Variants in TNPO2 observed in about 807,000 individuals in gnomAD.
The protein encoded by TNPO2 is transportin 2.
TNPO2 carries 16 observed loss-of-function variants against 111.1 expected under a neutral mutation model. That is an observed-to-expected ratio of 0.14 (90% confidence interval 0.10 to 0.22). The LOEUF (loss-of-function observed/expected upper bound fraction) is 0.22. TNPO2 is among the 10% of genes least tolerant of loss of function. The pLI, the probability that TNPO2 is intolerant of heterozygous loss-of-function variation, is 1.00. For missense variants in TNPO2, 530 were observed against 1,173.7 expected (o/e 0.45, Z 8.01); for synonymous variants, 481 against 475.8 (o/e 1.01, Z -0.14).
chr19:12,709,039 CA>C (rs545741335), intron 13 of TNPO2, among the ~76,000 whole-genome samples: 10 of 126,160 alleles, frequency 7.9e-5, no homozygotes, highest in Non-Finnish European at 3.4e-5. Flanking sequence ...GACTCCATCT[CA>C]AAAAAAAAAG....
Position 12,702,353 on chromosome 19 carries a change from C to T in TNPO2, c.2306-176G>A. 1.4e-6 allele frequency: 1 copy of T among 693,732 alleles called. No homozygotes were observed. Among genetic ancestry groups the T allele is most frequent in the Non-Finnish European group, 2.6e-6 (1 of 381,608 alleles). 43.0% of individuals were successfully genotyped at this position (693,732 alleles called of 1,614,324 possible). A position where few individuals can be genotyped will look rare whatever the true frequency, so the allele number is the denominator to read the frequency against. On this transcript the variant is annotated intron_variant, in intron 21 of 25. Coordinates refer to ENST00000425528, the MANE Select transcript of TNPO2 (RefSeq NM_001382241.1). This position sits in a 1 kb window ranked among gnomAD's most constrained non-coding sequence, Gnocchi z 5.5. Reference sequence around the variant, plus strand: ...AGTCACTTCCCAGGTCTCTCTGCATCTATCTTTCTTTCTTTCCTTTCCCTT... The same window carrying T: ...AGTCACTTCCCAGGTCTCTCTGCATTTATCTTTCTTTCTTTCCTTTCCCTT...
intron 5 of TNPO2, among the ~76,000 whole-genome samples, chr19:12,717,183 T>C (rs1045350722): frequency 2.0e-5 from 3 of 151,250 alleles, no homozygotes; most frequent in African/African-American, 7.4e-5. Flanking sequence ...CCCCTCATTC[T>C]GTGTGCCTCA....
Position 12,702,987 on chromosome 19 carries a change from CTCACTCACTACTCGCCCCAGT to C in TNPO2, c.2210-90_2210-70del, listed in dbSNP as rs1461630148. 1.4e-6 allele frequency: 2 copies of C among 1,397,768 alleles called. No individual in the cohort carries two copies. The highest frequency in any genetic ancestry group is 2.0e-6 in the Non-Finnish European group (2 of 992,914). The allele number at this position is 1,397,768 out of a possible 1,614,324, so 86.6% of individuals were successfully genotyped here. ...CACAGGGGCCAGGGGGCCGCCCCACCTCACTCACTACTCGCCCCAGTTCCAACTAGAGACTGGCCAACCACT... is the reference window on the plus strand; with the variant it reads ...CACAGGGGCCAGGGGGCCGCCCCACCTCCAACTAGAGACTGGCCAACCACT... On this transcript the variant is annotated intron_variant, in intron 20 of 25. Transcript: ENST00000425528. This position sits in a 1 kb window ranked among gnomAD's most constrained non-coding sequence, Gnocchi z 5.5.
In TNPO2 at chr19:12,723,749, G is replaced by C. The variant is rs963797114; in HGVS notation, c.-131+20C>G. On this transcript the variant is annotated intron_variant, in intron 1 of 25. Transcript: ENST00000425528. ...ATTTTTGCCCCTGCCTGAAGGAGGG[G>C]AACAGCTATCTCAACCCACTTGCCG... 3 of 152,186 alleles carry C rather than the reference G, an allele frequency of 2.0e-5. No individual in the cohort carries two copies. The highest frequency in any genetic ancestry group is 7.2e-5 in the African/African-American group (3 of 41,442). The allele number at this position is 152,186 out of a possible 1,614,324, so 9.4% of individuals were successfully genotyped here. A position where few individuals can be genotyped will look rare whatever the true frequency, so the allele number is the denominator to read the frequency against.
chr19:12,703,933 C>A (rs1348690069), intron 18 of TNPO2, 132 bp from the exon 19 acceptor site: 1 of 736,276 alleles, frequency 1.4e-6, no homozygotes, highest in Non-Finnish European at 2.2e-6. Context: ...TGTTCCTTAA[C>A]CTCCCTAGCC....
Position 12,721,429 on chromosome 19 carries a change from G to T in TNPO2, c.-13-439C>A. The T allele has an allele frequency of 3.3e-6, 2 of 602,096 alleles. No homozygotes were observed. Among genetic ancestry groups the T allele is most frequent in the Non-Finnish European group, 5.5e-6 (2 of 365,822 alleles). The allele number at this position is 602,096 out of a possible 1,614,324, so 37.3% of individuals were successfully genotyped here. On this transcript the variant is annotated intron_variant, in intron 2 of 25. Transcript: ENST00000425528. This position sits in a 1 kb window ranked among gnomAD's most constrained non-coding sequence, Gnocchi z 4.9. Reference sequence around the variant, plus strand: ...GGCCCCCGTGGTCTCTTCTATGCAGGCACAGTCCCTGAAGAGTCCCCTTCC... The same window carrying T: ...GGCCCCCGTGGTCTCTTCTATGCAGTCACAGTCCCTGAAGAGTCCCCTTCC...
rs1300901781 is a variant in TNPO2, at chr19:12,699,285, A to G, written c.*1979T>C. 8 of 444,666 alleles carry G rather than the reference A, an allele frequency of 1.8e-5. No individual in the cohort carries two copies. The highest frequency in any genetic ancestry group is 9.8e-5 in the Admixed American group (4 of 40,984). 27.5% of individuals were successfully genotyped at this position (444,666 alleles called of 1,614,324 possible). A position where few individuals can be genotyped will look rare whatever the true frequency, so the allele number is the denominator to read the frequency against. On this transcript the variant is annotated 3_prime_UTR_variant, in exon 26 of 26. Coordinates refer to ENST00000425528, the MANE Select transcript of TNPO2 (RefSeq NM_001382241.1). ...TCGGCGCCAATCCCCAGCACAGCAC[A>G]GTAACAAATGGACAGACCCGGGAGC...
intron 10 of TNPO2, among the ~76,000 whole-genome samples, chr19:12,712,914 G>A (rs1226556524): frequency 4.6e-5 from 7 of 152,120 alleles, no homozygotes; most frequent in Admixed American, 1.3e-4. Context: ...TGGTCCCTAC[G>A]TAACCCTATC....
chr19:12,711,752 A>C, intron 10 of TNPO2, 139 bp from the exon 11 acceptor site: 1 of 678,824 alleles, frequency 1.5e-6, no homozygotes, highest in Non-Finnish European at 2.6e-6. Context: ...CCTGCAGAGC[A>C]TGATGGTACT....
Position 12,719,633 on chromosome 19 carries a change from T to TA in TNPO2, c.100-298dup, listed in dbSNP as rs1388306660. 2.6e-5 allele frequency among the ~76,000 whole-genome samples: 4 copies of TA among 152,182 alleles called. No individual in the cohort carries two copies. In the East Asian group the frequency reaches 7.7e-4, roughly 29 times the overall value. ...CAGCGTGGTGAAACCCCATCTCTACTAAACATACAAAAAAATTATCCGGGC... is the reference window on the plus strand; with the variant it reads ...CAGCGTGGTGAAACCCCATCTCTACTAAAACATACAAAAAAATTATCCGGGC... On this transcript the variant is annotated intron_variant, in intron 3 of 25. Coordinates refer to ENST00000425528, the MANE Select transcript of TNPO2 (RefSeq NM_001382241.1). The surrounding 1 kb of genome is among the most constrained non-coding windows in gnomAD (Gnocchi z 5.0).
Position 12,714,680 on chromosome 19 carries a change from C to A in TNPO2, c.890+141G>T, listed in dbSNP as rs2026265813. On this transcript the variant is annotated intron_variant, in intron 10 of 25. Coordinates refer to ENST00000425528, the MANE Select transcript of TNPO2 (RefSeq NM_001382241.1). ...AAGTCTTCAAAAAGTGGCATTCTTA[C>A]CACTTACACATAAATATATACTGAA... 38 of 678,332 alleles carry A rather than the reference C, an allele frequency of 5.6e-5. 1 individual carries two copies. The South Asian group carries it at 6.8e-4, about 12-fold the overall frequency. The allele number at this position is 678,332 out of a possible 1,614,324, so 42.0% of individuals were successfully genotyped here. A position where few individuals can be genotyped will look rare whatever the true frequency, so the allele number is the denominator to read the frequency against.
Position 12,701,373 on chromosome 19 carries a change from CT to C in TNPO2, c.2666del (p.Glu889GlyfsTer11). ...AGACCCCATAGAAAGCCGCCAGCCT[CT>C]CCTTGAGCAGCGGCGGGAATTGCTC... ...FSEQFPPLLK[E>X]RLAAFYGV On this transcript the variant is annotated frameshift_variant, in exon 25 of 26. Transcript: ENST00000425528. LOFTEE classifies it high-confidence loss of function. The surrounding 1 kb of genome is among the most constrained non-coding windows in gnomAD (Gnocchi z 5.0). The C allele has an allele frequency of 6.2e-7, 1 of 1,614,024 alleles. No homozygotes were observed. Among genetic ancestry groups the C allele is most frequent in the Non-Finnish European group, 8.5e-7 (1 of 1,179,886 alleles).
rs1407588706 is a variant in TNPO2, at chr19:12,702,462, T to C, written c.2306-285A>G. On this transcript the variant is annotated intron_variant, in intron 21 of 25. Coordinates refer to ENST00000425528, the MANE Select transcript of TNPO2 (RefSeq NM_001382241.1). The surrounding 1 kb of genome is among the most constrained non-coding windows in gnomAD (Gnocchi z 5.5). Reference sequence around the variant, plus strand: ...CAGGCTGGAGTGCAGTGGCATGATCTTGGCTCATTGCAACCTGCCTCAGCC... The same window carrying C: ...CAGGCTGGAGTGCAGTGGCATGATCCTGGCTCATTGCAACCTGCCTCAGCC... 1.7e-6 allele frequency: 1 copy of C among 595,014 alleles called. No homozygotes were observed. Among genetic ancestry groups the C allele is most frequent in the Admixed American group, 2.5e-5 (1 of 40,326 alleles). The allele number at this position is 595,014 out of a possible 1,614,324, so 36.9% of individuals were successfully genotyped here.
chr19:12,710,768 ACTTCC>A lies in TNPO2; in HGVS notation c.1118_1122del (p.Arg373MetfsTer49). On this transcript the variant is annotated frameshift_variant and splice_region_variant, in exon 13 of 26. Transcript: ENST00000425528. LOFTEE classifies it high-confidence loss of function. ...AGGACGTCCAGTGCAGCCGCTGAGCACTTCCCTGGGGAAGGGGGAACAATGGGGAG... is the reference window on the plus strand; with the variant it reads ...AGGACGTCCAGTGCAGCCGCTGAGCACTGGGGAAGGGGGAACAATGGGGAG... The A allele has an allele frequency of 6.2e-7, 1 of 1,608,382 alleles. No homozygotes were observed. The highest frequency in any genetic ancestry group is 8.5e-7 in the Non-Finnish European group (1 of 1,177,282).
rs1463418349 is a variant in TNPO2, at chr19:12,706,984, T to G, written c.1271-189A>C. Among the ~76,000 whole-genome samples, 1 of 152,000 alleles carries G rather than the reference T, an allele frequency of 6.6e-6. No homozygotes were observed. Among genetic ancestry groups the G allele is most frequent in the Non-Finnish European group, 1.5e-5 (1 of 67,986 alleles). On this transcript the variant is annotated intron_variant, in intron 13 of 25. Coordinates refer to ENST00000425528, the MANE Select transcript of TNPO2 (RefSeq NM_001382241.1). The surrounding 1 kb of genome is among the most constrained non-coding windows in gnomAD (Gnocchi z 7.0). ...GAGGGGAAACAACAGAAGCCTCTCATCCCAAAGCCCCGGGTTATCTTTATT... is the reference window on the plus strand; with the variant it reads ...GAGGGGAAACAACAGAAGCCTCTCAGCCCAAAGCCCCGGGTTATCTTTATT...
chr19:12,699,314 CA>C lies in TNPO2; in HGVS notation c.*1949del, dbSNP rs1435972337. ...ACAAATGGACAGACCCGGGAGCCCG[CA>C]GGGGGAAGAGGGTGAGGAGGGAAAG... On this transcript the variant is annotated 3_prime_UTR_variant, in exon 26 of 26. Transcript: ENST00000425528. 4.6e-6 allele frequency: 2 copies of C among 431,110 alleles called. No homozygotes were observed. Among genetic ancestry groups the C allele is most frequent in the Non-Finnish European group, 9.3e-6 (2 of 214,536 alleles). 26.7% of individuals were successfully genotyped at this position (431,110 alleles called of 1,614,324 possible). A position where few individuals can be genotyped will look rare whatever the true frequency, so the allele number is the denominator to read the frequency against.
In TNPO2 at chr19:12,721,368, A is replaced by C; in HGVS notation, c.-13-378T>G. ...TGGGCGAGGGCCCAGCCGCCTCCAC[A>C]TCCAGGGGCCCCGCCCCAGACCGTG... On this transcript the variant is annotated intron_variant, in intron 2 of 25. Transcript: ENST00000425528. The surrounding 1 kb of genome is among the most constrained non-coding windows in gnomAD (Gnocchi z 4.9). 8 of 1,170,422 alleles carry C rather than the reference A, an allele frequency of 6.8e-6. No individual in the cohort carries two copies. Among genetic ancestry groups the C allele is most frequent in the East Asian group, 6.0e-5 (1 of 16,676 alleles). The allele number at this position is 1,170,422 out of a possible 1,614,324, so 72.5% of individuals were successfully genotyped here.
At chr19:12,709,667 G>C (rs2025925333) in intron 13 of TNPO2, among the ~76,000 whole-genome samples, 1 of 136,948 alleles carries the variant, frequency 7.3e-6, no homozygotes, top group South Asian at 2.3e-4. Context: ...TTTTTTGGTA[G>C]ATATGAGGTC....
chr19:12,711,437 C>G lies in TNPO2; in HGVS notation c.976G>C (p.Val326Leu). 6.2e-7 allele frequency: 1 copy of G among 1,614,002 alleles called. No homozygotes were observed. The highest frequency in any genetic ancestry group is 8.5e-7 in the Non-Finnish European group (1 of 1,179,888). Residue 326 changes from valine (V) to leucine (L), a missense_variant, in exon 12 of 26, where the codon GTC (valine) becomes CTC (leucine). Physicochemically the swap from Val to Leu is conservative, Grantham distance 32 (BLOSUM62 1). Coordinates refer to ENST00000425528, the MANE Select transcript of TNPO2 (RefSeq NM_001382241.1). ...LKGDVEEDEA[V>L]PDSEQDIKPR... ...TTGATGTCCTGCTCACTGTCGGGGA[C>G]AGCCTCATCCTCCTCCACATCCCCC...
Sources: allele counts gnomAD v4.1 joint callset (sites outside exome capture counted in the v4.1 genomes callset), GRCh38; gene constraint gnomAD v4.1.1; non-coding constraint Gnocchi (gnomAD v3.1); transcripts MANE v1.5; gene names NCBI Gene and HGNC (gene_info 2026-07-23, HGNC 2026-07-21).